The following OR51B5 variants were observed in gnomAD, a reference collection of about 807,000 sequenced individuals.
OR51B5 encodes olfactory receptor family 51 subfamily B member 5, also known as olfactory receptor 51B5.
For missense variants in OR51B5, 456 were observed against 374.6 expected, an observed-to-expected ratio of 1.22 and a Z score of -1.79; for synonymous variants, 186 against 144.8, an observed-to-expected ratio of 1.28 and a Z score of -2.04.
chr11:5,450,116 T>C (rs561639360), intron 1 of OR51B5, among the ~76,000 whole-genome samples: 23 of 152,268 alleles, frequency 1.5e-4, no homozygotes, highest in Admixed American at 1.3e-3. Context: ...ACACCAGGCG[T>C]GGTGGCTCAT....
chr11:5,342,247 T>G (rs934156260), downstream of OR51B5, among the ~76,000 whole-genome samples: 2 of 152,208 alleles, frequency 1.3e-5, no homozygotes, highest in African/African-American at 2.4e-5. Context: ...TTTATATTTT[T>G]ATGATTCTGT....
intron 1 of OR51B5, among the ~76,000 whole-genome samples, chr11:5,406,879 C>G (rs116703878): frequency 0.026 from 3,880 of 152,092 alleles, 158 homozygotes; most frequent in African/African-American, 0.085. Flanking sequence ...ACAGCAAACT[C>G]AGAGGGTTGG....
chr11:5,352,141 ATCT>A, intron 1 of OR51B5: 1 of 1,614,124 alleles, frequency 6.2e-7, no homozygotes, highest in Non-Finnish European at 8.5e-7. Flanking sequence ...CTTTCTCATC[ATCT>A]TTTTCTCCTA....
intron 1 of OR51B5, chr11:5,455,605 G>A (rs12288726): frequency 0.25 from 35,059 of 141,776 alleles, 4,758 homozygotes; most frequent in East Asian, 0.44. Context: ...GAGAAAAAGA[G>A]AAAGAGAAAG....
chr11:5,427,098 T>C (rs1172976780), intron 1 of OR51B5, among the ~76,000 whole-genome samples: 1 of 152,204 alleles, frequency 6.6e-6, no homozygotes. Flanking sequence ...TCATTTCCCC[T>C]GGAAATTATT....
At chr11:5,459,965 T>A (rs1267264656) in intron 1 of OR51B5, among the ~76,000 whole-genome samples, 3 of 152,074 alleles carry the variant, frequency 2.0e-5, no homozygotes, top group South Asian at 2.1e-4. Flanking sequence ...AGCAAAGACA[T>A]GGAATCAACC....
intron 1 of OR51B5, among the ~76,000 whole-genome samples, chr11:5,407,798 T>G (rs760116266): frequency 6.6e-6 from 1 of 152,048 alleles, no homozygotes; most frequent in Non-Finnish European, 1.5e-5. Context: ...ATATCCTTCA[T>G]TCTCTTCAAA....
In OR51B5 at chr11:5,414,521, T is replaced by C. The variant is rs375698754; in HGVS notation, n.85-67611A>G. ...TAAAGAGTCAAGACCCATCAGTGTG[T>C]TGTATTCAGGAAACCCATCTCACAT... On this transcript the variant is annotated intron_variant and non_coding_transcript_variant, in intron 1 of 4. Coordinates refer to the OR51B5 transcript ENST00000415970. Among the ~76,000 whole-genome samples, 30 of 151,900 alleles carry C rather than the reference T, an allele frequency of 2.0e-4. No individual in the cohort carries two copies. In the South Asian group the frequency reaches 2.9e-3, roughly 15 times the overall value.
chr11:5,364,062 C>G (rs188490928), intron 1 of OR51B5, among the ~76,000 whole-genome samples: 1 of 152,120 alleles, frequency 6.6e-6, no homozygotes, highest in Non-Finnish European at 1.5e-5. Flanking sequence ...GAGCCAGGTA[C>G]TATCTCATTC....
chr11:5,443,935 C>T (rs576238870), intron 1 of OR51B5, among the ~76,000 whole-genome samples: 39 of 152,066 alleles, frequency 2.6e-4, no homozygotes, highest in African/African-American at 9.2e-4. Context: ...CTTACACACC[C>T]GGTATTTATA....
At chr11:5,462,511 T>C (rs571313395) in intron 1 of OR51B5, among the ~76,000 whole-genome samples, 18 of 152,334 alleles carry the variant, frequency 1.2e-4, no homozygotes, top group African/African-American at 4.3e-4. Context: ...TGGGCTCTAC[T>C]ATGGCAAGAA....
chr11:5,342,982 A>G, exon 1 of OR51B5: 1 of 1,613,684 alleles, frequency 6.2e-7, no homozygotes, highest in Non-Finnish European at 8.5e-7. Flanking sequence ...GTTTAATGAC[A>G]TCCTGGTGAA....
At chr11:5,373,292 A>G (rs1487567342) in intron 1 of OR51B5, among the ~76,000 whole-genome samples, 3 of 152,204 alleles carry the variant, frequency 2.0e-5, no homozygotes, top group Admixed American at 6.5e-5. Context: ...GAAAATTTTC[A>G]CTGGAAGTCT....
At chr11:5,490,311 T>C (rs988779791) in intron 1 of OR51B5, among the ~76,000 whole-genome samples, 15 of 152,174 alleles carry the variant, frequency 9.9e-5, no homozygotes, top group Non-Finnish European at 1.6e-4. Flanking sequence ...TCTCTAAACG[T>C]TACTAGTAAA....
chr11:5,350,946 T>A (rs1849072676), intron 1 of OR51B5, among the ~76,000 whole-genome samples: 1 of 152,188 alleles, frequency 6.6e-6, no homozygotes, highest in Non-Finnish European at 1.5e-5. Flanking sequence ...TCTCTGAAAT[T>A]TACTATTTTA....
At chr11:5,466,636 C>T in intron 1 of OR51B5, among the ~76,000 whole-genome samples, 1 of 152,210 alleles carries the variant, frequency 6.6e-6, no homozygotes, top group Non-Finnish European at 1.5e-5. Context: ...AGAATTAGCA[C>T]ATATCTCTTT....
chr11:5,424,843 G>T lies in OR51B5; in HGVS notation n.85-77933C>A. Among the ~76,000 whole-genome samples, 2 of 104,954 alleles carry T rather than the reference G, an allele frequency of 1.9e-5. 1 individual carries two copies. Among genetic ancestry groups the T allele is most frequent in the Non-Finnish European group, 4.4e-5 (2 of 44,994 alleles). 68.9% of individuals were successfully genotyped at this position (104,954 alleles called of 152,430 possible). Reference sequence around the variant, plus strand: ...AAAAAATAGAAAAAATTAGCCGGGCGTGGTGGCGGGCGCCTATAGTCCCAG... The same window carrying T: ...AAAAAATAGAAAAAATTAGCCGGGCTTGGTGGCGGGCGCCTATAGTCCCAG... On this transcript the variant is annotated intron_variant and non_coding_transcript_variant, in intron 1 of 4. Transcript: ENST00000415970.
In OR51B5 at chr11:5,418,877, T is replaced by TTAAAAAA. The variant is rs1554889686; in HGVS notation, n.85-71968_85-71967insTTTTTTA. 1.6e-3 allele frequency among the ~76,000 whole-genome samples: 219 copies of TTAAAAAA among 133,640 alleles called. 2 individuals are homozygous for TTAAAAAA. The highest frequency in any genetic ancestry group is 5.3e-3 in the African/African-American group (193 of 36,200). The allele number at this position is 133,640 out of a possible 152,430, so 87.7% of individuals were successfully genotyped here. ...ATGTACCCCAGAACTTGAAGTATTA[T>TTAAAAAA]AAAAAAAAAAAAAGCATCATCTGGT... On this transcript the variant is annotated intron_variant and non_coding_transcript_variant, in intron 1 of 4. Coordinates refer to the OR51B5 transcript ENST00000415970.
chr11:5,451,311 T>A (rs1189300205), intron 1 of OR51B5, among the ~76,000 whole-genome samples: 3 of 152,260 alleles, frequency 2.0e-5, no homozygotes, highest in Non-Finnish European at 4.4e-5. Flanking sequence ...AATCCTGCTT[T>A]CAGCCTGTTT....
Sources: allele counts gnomAD v4.1 joint callset (sites outside exome capture counted in the v4.1 genomes callset), GRCh38; gene constraint gnomAD v4.1.1; transcripts MANE v1.5; gene names NCBI Gene and HGNC (gene_info 2026-07-23, HGNC 2026-07-21).